TGFBR1: variants seen among roughly 807,000 people sequenced by gnomAD.
TGFBR1 encodes transforming growth factor beta receptor 1, also known as TGF-beta receptor type-1.
Under a neutral mutation model 55.1 loss-of-function variants are expected in TGFBR1, and 20 were observed. The observed-to-expected ratio is 0.36, with a 90% CI of 0.26 to 0.53. TGFBR1 has a LOEUF of 0.53. Ranked by LOEUF, TGFBR1 falls within the 20% of genes least tolerant of loss-of-function variation. The pLI is 0.91. For synonymous variants in TGFBR1, 220 were observed against 214.8 expected (o/e 1.02, Z -0.21); for missense variants, 385 against 617.6 (o/e 0.62, Z 3.99).
Position 99,149,342 on chromosome 9 carries a change from G to C in TGFBR1, c.*37G>C, listed in dbSNP as rs769785618. The C allele has an allele frequency of 6.2e-6, 10 of 1,612,316 alleles. No individual in the cohort carries two copies. The Admixed American group carries it at 1.7e-4, about 27-fold the overall frequency. ...TGCCTGAACTCTCCTTTTTTCTTCA[G>C]ATCTGCTCCTGGGTTTTAATTTGGG... On this transcript the variant is annotated 3_prime_UTR_variant, in exon 9 of 9. Coordinates refer to ENST00000374994, the MANE Select transcript of TGFBR1 (RefSeq NM_004612.4).
chr9:99,138,407 T>C (rs887070492), intron 4 of TGFBR1, among the ~76,000 whole-genome samples: 4 of 152,216 alleles, frequency 2.6e-5, no homozygotes, highest in Non-Finnish European at 4.4e-5. Flanking sequence ...AGAAAAGATA[T>C]ATAAACTTGC....
intron 1 of TGFBR1, among the ~76,000 whole-genome samples, chr9:99,125,559 G>A (rs1400626715): frequency 6.6e-6 from 1 of 152,136 alleles, no homozygotes; most frequent in African/African-American, 2.4e-5. Flanking sequence ...TGCATGCCAT[G>A]CCTGTATTGC....
intron 1 of TGFBR1, among the ~76,000 whole-genome samples, chr9:99,107,720 G>A (rs1038739360): frequency 6.6e-6 from 1 of 152,154 alleles, no homozygotes; most frequent in African/African-American, 2.4e-5. Context: ...TCAGCACTTA[G>A]AACAACACTT....
intron 4 of TGFBR1, among the ~76,000 whole-genome samples, chr9:99,138,574 T>C (rs1157384695): frequency 2.0e-5 from 3 of 152,326 alleles, no homozygotes; most frequent in East Asian, 3.9e-4. Flanking sequence ...ATGAATCTTC[T>C]GGCAAACTCA....
chr9:99,118,154 A>AT (rs1468868495), intron 1 of TGFBR1, among the ~76,000 whole-genome samples: 1 of 151,830 alleles, frequency 6.6e-6, no homozygotes, highest in African/African-American at 2.4e-5. Flanking sequence ...TTTTAATTTA[A>AT]TTTTTTTTGG....
At chr9:99,108,884 G>A (rs1826487745) in intron 1 of TGFBR1, among the ~76,000 whole-genome samples, 1 of 152,024 alleles carries the variant, frequency 6.6e-6, no homozygotes. Context: ...TGCCCAGTAG[G>A]ACTAGGCATT....
chr9:99,130,195 G>A (rs1156478079), intron 2 of TGFBR1, among the ~76,000 whole-genome samples: 1 of 152,144 alleles, frequency 6.6e-6, no homozygotes, highest in African/African-American at 2.4e-5. Flanking sequence ...ATATAAGAAA[G>A]GTTAGTCATC....
chr9:99,129,320 G>A (rs926558207), intron 2 of TGFBR1, among the ~76,000 whole-genome samples: 3 of 152,168 alleles, frequency 2.0e-5, no homozygotes, highest in African/African-American at 4.8e-5. Context: ...GACTTCCTCT[G>A]AGGTCTGTTA....
intron 3 of TGFBR1, 44 bp from the exon 4 acceptor site, chr9:99,137,815 T>C (rs1564161164): frequency 2.0e-6 from 3 of 1,516,056 alleles, no homozygotes; most frequent in Middle Eastern, 1.7e-4. Context: ...TTGAAACATG[T>C]AATATTGTTG....
rs1588590331 is a variant in TGFBR1 at position 99,142,584 on chromosome 9, A to G, written c.854A>G (p.His285Arg). The G allele has an allele frequency of 1.9e-6, 3 of 1,614,102 alleles. No individual in the cohort carries two copies. The highest frequency in any genetic ancestry group is 1.7e-6 in the Non-Finnish European group (2 of 1,179,942). Residue 285 changes from histidine to arginine, a missense_variant, in exon 5 of 9, where the codon CAT (histidine) becomes CGT (arginine). This residue lies in a region of TGFBR1 where 85 missense variants were observed against 228.4 expected (regional missense o/e 0.37). Coordinates refer to ENST00000374994, the MANE Select transcript of TGFBR1 (RefSeq NM_004612.4). ...QLWLVSDYHE[H>R]GSLFDYLNRY... ...TGGTTGGTGTCAGATTATCATGAGC[A>G]TGGATCCCTTTTTGATTACTTAAAC... is the stretch of plus-strand genomic sequence containing the variant.
upstream of TGFBR1, among the ~76,000 whole-genome samples, chr9:99,103,699 C>G (rs1826326598): frequency 1.3e-5 from 2 of 152,140 alleles, no homozygotes; most frequent in African/African-American, 4.8e-5. Context: ...TTGCAGGCCT[C>G]TGAGCCTGTT....
At position 99,115,673 on chromosome 9, in the gene TGFBR1, T is replaced by C. The variant is rs371212754; in HGVS notation, c.97+10371T>C. Among the ~76,000 whole-genome samples, 44 of 152,318 alleles carry C rather than the reference T, an allele frequency of 2.9e-4. 2 individuals carry two copies. In the South Asian group the frequency reaches 8.7e-3, roughly 30 times the overall value. On this transcript the variant is annotated intron_variant, in intron 1 of 8. Coordinates refer to ENST00000374994, the MANE Select transcript of TGFBR1 (RefSeq NM_004612.4). ...AACTATAATGTGCTCTAATTGGGTC[T>C]CTTTGTTCAGCACGTGGTTGTTGAT... is the stretch of plus-strand genomic sequence containing the variant.
At chr9:99,129,156 G>T in intron 2 of TGFBR1, 56 bp downstream of exon 2, 1 of 1,583,308 alleles carries the variant, frequency 6.3e-7, no homozygotes, top group East Asian at 2.2e-5. Context: ...TTCATACTCT[G>T]TGATTTTAGA....
intron 2 of TGFBR1, among the ~76,000 whole-genome samples, chr9:99,131,766 C>T (rs1827231972): frequency 1.3e-5 from 2 of 151,924 alleles, no homozygotes; most frequent in Non-Finnish European, 2.9e-5. Context: ...GTTAGGGGTT[C>T]GAGACCAGCC....
intron 1 of TGFBR1, among the ~76,000 whole-genome samples, chr9:99,123,304 C>T (rs1380905278): frequency 6.6e-6 from 1 of 152,058 alleles, no homozygotes; most frequent in African/African-American, 2.4e-5. Context: ...AAATGTAAAG[C>T]TTAGAGAAAT....
At chr9:99,136,194 A>G (rs1827433661) in intron 3 of TGFBR1, among the ~76,000 whole-genome samples, 1 of 152,184 alleles carries the variant, frequency 6.6e-6, no homozygotes, top group African/African-American at 2.4e-5. Flanking sequence ...ATTCATGTGA[A>G]GTAATCCAAT....
At chr9:99,145,370 T>C (rs1247719318) in intron 6 of TGFBR1, among the ~76,000 whole-genome samples, 1 of 152,124 alleles carries the variant, frequency 6.6e-6, no homozygotes, top group East Asian at 1.9e-4. Flanking sequence ...CGTAGGAAGT[T>C]TTTTCTAGTC....
chr9:99,142,850 G>A (rs1215630268), intron 5 of TGFBR1, 147 bp downstream of exon 5: 1 of 846,552 alleles, frequency 1.2e-6, no homozygotes, highest in East Asian at 2.7e-5. Flanking sequence ...CCCGATCTCA[G>A]GAGTTCATGG....
In TGFBR1 at chr9:99,149,871, T is replaced by C. The variant is rs11568808; in HGVS notation, c.*566T>C. 419 of 212,958 alleles carry C rather than the reference T, an allele frequency of 2.0e-3. 1 individual carries two copies. The highest frequency in any genetic ancestry group is 8.9e-3 in the African/African-American group (393 of 44,224). The allele number at this position is 212,958 out of a possible 1,614,324, so 13.2% of individuals were successfully genotyped here. ...TAGTGAGGAACATAATTCATGCAAT[T>C]GTATTTTGTATACTATTATTGTTCT... On this transcript the variant is annotated 3_prime_UTR_variant, in exon 9 of 9. Transcript: ENST00000374994.
Sources: gnomAD v4.1 joint callset for allele counts (sites outside exome capture counted in the v4.1 genomes callset) on GRCh38, gnomAD v4.1.1 for gene constraint, gnomAD v4.1.1 regional missense constraint, MANE v1.5 for transcripts, NCBI Gene and HGNC (gene_info 2026-07-23, HGNC 2026-07-21) for gene names.